The following COL9A2 variants were observed in gnomAD, a reference collection of about 807,000 sequenced individuals.
COL9A2 encodes collagen alpha-2(IX) chain.
A neutral mutation model predicts 111.6 loss-of-function variants in COL9A2; 66 were observed. The observed-to-expected ratio is 0.59, with a 90% CI of 0.48 to 0.73. The LOEUF is 0.73. Ranked by LOEUF, COL9A2 falls within the 30% of genes least tolerant of loss-of-function variation. The pLI is 0.00. For missense variants in COL9A2, 881 were observed against 954.1 expected (o/e 0.92, Z 1.01); for synonymous variants, 353 against 364.1 (o/e 0.97, Z 0.35).
chr1:40,312,666 C>T lies in COL9A2; in HGVS notation c.304-57G>A. 3 of 1,599,940 alleles carry T rather than the reference C, an allele frequency of 1.9e-6. No homozygotes were observed. Among genetic ancestry groups the T allele is most frequent in the Non-Finnish European group, 2.6e-6 (3 of 1,172,946 alleles). ...GGGGTTTCCCCGGCTCCTACTTCCT[C>T]TCTACAGCCACTCCCAAACGCTGGC... On this transcript the variant is annotated intron_variant, in intron 5 of 31. Transcript: ENST00000372748. This position sits in a 1 kb window ranked among gnomAD's most constrained non-coding sequence, Gnocchi z 6.0.
chr1:40,303,871 C>G lies in COL9A2; in HGVS notation c.1369-32G>C, dbSNP rs200767376. On this transcript the variant is annotated intron_variant, in intron 26 of 31. Transcript: ENST00000372748. The surrounding 1 kb of genome is among the most constrained non-coding windows in gnomAD (Gnocchi z 4.6). The stretch of plus-strand genomic sequence containing the variant: ...GCACAAGGAGCAGCGGTCACGAAGC[C>G]GCGGGGACCCCGGGGCCAGCCGCCG... 19 of 1,548,974 alleles carry G rather than the reference C, an allele frequency of 1.2e-5. No individual in the cohort carries two copies. The highest frequency in any genetic ancestry group is 1.7e-5 in the Non-Finnish European group (19 of 1,146,752).
chr1:40,305,190 C>G (rs528281550), intron 21 of COL9A2, among the ~76,000 whole-genome samples: 266 of 151,298 alleles, frequency 1.8e-3, no homozygotes, highest in African/African-American at 6.2e-3. Flanking sequence ...GCCTCAGCCT[C>G]CAGAGTAGCT....
rs375575073 is a variant in COL9A2 at position 40,312,630 on chromosome 1, G to A, written c.304-21C>T. The A allele has an allele frequency of 8.7e-6, 14 of 1,613,380 alleles. No homozygotes were observed. In the Admixed American group the frequency reaches 1.5e-4, roughly 17 times the overall value. ...TGGCCCTGCAGAAGCAACGAGAAAG[G>A]CTCAGAGGCTGGGGTTTCCCCGGCT... is the stretch of plus-strand genomic sequence containing the variant. On this transcript the variant is annotated intron_variant, in intron 5 of 31. Transcript: ENST00000372748. This position sits in a 1 kb window ranked among gnomAD's most constrained non-coding sequence, Gnocchi z 6.0.
rs1644210627 is a variant in COL9A2, at chr1:40,315,849, T to A, written c.76-185A>T. ...TACATGCATTCATTATCTTACAGAA[T>A]ACTCAGAACCGGGAGGCGGGCGCTA... On this transcript the variant is annotated intron_variant, in intron 1 of 31. Coordinates refer to ENST00000372748, the MANE Select transcript of COL9A2 (RefSeq NM_001852.4). The A allele has an allele frequency of 6.1e-6, 3 of 491,950 alleles. No homozygotes were observed. The South Asian group carries it at 1.1e-4, about 17-fold the overall frequency. The allele number at this position is 491,950 out of a possible 1,614,324, so 30.5% of individuals were successfully genotyped here.
intron 31 of COL9A2, 117 bp downstream of exon 31, chr1:40,301,695 G>A (rs1364819862): frequency 2.1e-5 from 21 of 984,252 alleles, no homozygotes; most frequent in Non-Finnish European, 3.0e-5. Context: ...CAGAAGCTGG[G>A]TATCAAGGAC....
At position 40,307,762 on chromosome 1, in the gene COL9A2, C is replaced by A; in HGVS notation, c.901-6G>T. ...CCGTTGATGCCTGGGGGGCCCTACC[C>A]AGGAGGAAAGTTCAAGGGAGAGTGA... On this transcript the variant is annotated splice_region_variant and splice_polypyrimidine_tract_variant and intron_variant, in intron 17 of 31. Coordinates refer to ENST00000372748, the MANE Select transcript of COL9A2 (RefSeq NM_001852.4). This position sits in a 1 kb window ranked among gnomAD's most constrained non-coding sequence, Gnocchi z 4.8. 2.5e-6 allele frequency: 4 copies of A among 1,614,080 alleles called. No homozygotes were observed. Among genetic ancestry groups the A allele is most frequent in the Non-Finnish European group, 2.5e-6 (3 of 1,179,974 alleles).
Position 40,316,777 on chromosome 1 carries a change from C to A in COL9A2, c.75+346G>T. 2.6e-6 allele frequency: 1 copy of A among 378,942 alleles called. No individual in the cohort carries two copies. Among genetic ancestry groups the A allele is most frequent in the Non-Finnish European group, 4.9e-6 (1 of 206,080 alleles). 23.5% of individuals were successfully genotyped at this position (378,942 alleles called of 1,614,324 possible). On this transcript the variant is annotated intron_variant, in intron 1 of 31. Coordinates refer to ENST00000372748, the MANE Select transcript of COL9A2 (RefSeq NM_001852.4). The surrounding 1 kb of genome is among the most constrained non-coding windows in gnomAD (Gnocchi z 5.5). Reference sequence around the variant, plus strand: ...GGCGCCCCCTGGGAGGCGGCGGGGGCGGAGGCTGCGCAGCGGGTGAATGAG... The same window carrying A: ...GGCGCCCCCTGGGAGGCGGCGGGGGAGGAGGCTGCGCAGCGGGTGAATGAG...
At position 40,301,732 on chromosome 1, in the gene COL9A2, T is replaced by C. The variant is rs961226125; in HGVS notation, c.1870+80A>G. The C allele has an allele frequency of 5.8e-6, 8 of 1,368,002 alleles. No individual in the cohort carries two copies. The Admixed American group carries it at 1.3e-4, about 22-fold the overall frequency. The allele number at this position is 1,368,002 out of a possible 1,614,324, so 84.7% of individuals were successfully genotyped here. A position where few individuals can be genotyped will look rare whatever the true frequency, so the allele number is the denominator to read the frequency against. On this transcript the variant is annotated intron_variant, in intron 31 of 31. Transcript: ENST00000372748. ...GAGCTGGCTGAGCGTGAGGCCGCCA[T>C]GGAGGAGACCGCAGTGTCCACACGT...
rs1278899451 is a variant in COL9A2, at chr1:40,317,083, G to A, written c.75+40C>T. On this transcript the variant is annotated intron_variant, in intron 1 of 31. Transcript: ENST00000372748. The surrounding 1 kb of genome is among the most constrained non-coding windows in gnomAD (Gnocchi z 4.3). ...TCCTCCATCCCGGACTCCAGACCCC[G>A]CACCCTGGACCCTGGCAGCGGAGGG... The A allele has an allele frequency of 3.2e-6, 5 of 1,541,798 alleles. No individual in the cohort carries two copies. In the African/African-American group the frequency reaches 6.9e-5, roughly 21 times the overall value.
Position 40,316,517 on chromosome 1 carries a change from T to C in COL9A2, c.75+606A>G, listed in dbSNP as rs946511789. 6.8e-6 allele frequency: 3 copies of C among 439,374 alleles called. No individual in the cohort carries two copies. Among genetic ancestry groups the C allele is most frequent in the African/African-American group, 4.1e-5 (2 of 48,440 alleles). The allele number at this position is 439,374 out of a possible 1,614,324, so 27.2% of individuals were successfully genotyped here. A position where few individuals can be genotyped will look rare whatever the true frequency, so the allele number is the denominator to read the frequency against. On this transcript the variant is annotated intron_variant, in intron 1 of 31. Transcript: ENST00000372748. The surrounding 1 kb of genome is among the most constrained non-coding windows in gnomAD (Gnocchi z 5.5). ...CAGAGATCTTAAAAGGCGGCCCTTTTAAGAGGCCAGCTCGGACCCAGGCAG... is the reference window on the plus strand; with the variant it reads ...CAGAGATCTTAAAAGGCGGCCCTTTCAAGAGGCCAGCTCGGACCCAGGCAG...
rs942531635 is a variant in COL9A2, at chr1:40,303,424, G to C, written c.1548+106C>G. On this transcript the variant is annotated intron_variant, in intron 28 of 31. Transcript: ENST00000372748. The surrounding 1 kb of genome is among the most constrained non-coding windows in gnomAD (Gnocchi z 4.6). ...TGCTCTGGGGCTTGGAACCAGTCTC[G>C]GGGAAGTCGGTGAGTCTCTGGGAAT... The C allele has an allele frequency of 2.9e-5, 43 of 1,487,076 alleles. No individual in the cohort carries two copies. The highest frequency in any genetic ancestry group is 3.4e-4 in the Middle Eastern group (2 of 5,866). 92.1% of individuals were successfully genotyped at this position (1,487,076 alleles called of 1,614,324 possible). A position where few individuals can be genotyped will look rare whatever the true frequency, so the allele number is the denominator to read the frequency against.
chr1:40,314,191 A>C lies in COL9A2; in HGVS notation c.249+14T>G. 1 of 1,613,918 alleles carries C rather than the reference A, an allele frequency of 6.2e-7. No individual in the cohort carries two copies. Among genetic ancestry groups the C allele is most frequent in the Non-Finnish European group, 8.5e-7 (1 of 1,179,934 alleles). On this transcript the variant is annotated intron_variant, in intron 4 of 31. Coordinates refer to ENST00000372748, the MANE Select transcript of COL9A2 (RefSeq NM_001852.4). This position sits in a 1 kb window ranked among gnomAD's most constrained non-coding sequence, Gnocchi z 4.1. Reference sequence around the variant, plus strand: ...AGAGCCCTACCCTGCCCCACCCGACACTCAGCTACTCACATCAATCCCGGG... The same window carrying C: ...AGAGCCCTACCCTGCCCCACCCGACCCTCAGCTACTCACATCAATCCCGGG...
rs771050593 is a variant in COL9A2, at chr1:40,312,163, TG to T, written c.364-52del. On this transcript the variant is annotated intron_variant, in intron 7 of 31. Transcript: ENST00000372748. The surrounding 1 kb of genome is among the most constrained non-coding windows in gnomAD (Gnocchi z 6.0). ...GGATGCCTCAGAGGGTCAGATACCC[TG>T]GGCACAAAGGTAGAGACAGGCACCC... The T allele has an allele frequency of 9.2e-6, 14 of 1,517,122 alleles. No individual in the cohort carries two copies. Among genetic ancestry groups the T allele is most frequent in the Non-Finnish European group, 1.3e-5 (14 of 1,107,762 alleles). The allele number at this position is 1,517,122 out of a possible 1,614,324, so 94.0% of individuals were successfully genotyped here. A position where few individuals can be genotyped will look rare whatever the true frequency, so the allele number is the denominator to read the frequency against.
intron 16 of COL9A2, among the ~76,000 whole-genome samples, chr1:40,309,684 ACACT>A (rs1163409106): frequency 6.6e-6 from 1 of 151,764 alleles, no homozygotes; most frequent in African/African-American, 2.4e-5. Context: ...TCACACACAC[ACACT>A]CAGAGATATC....
rs1231414301 is a variant in COL9A2 at position 40,304,783 on chromosome 1, C to T, written c.1161+11G>A. The T allele has an allele frequency of 7.1e-6, 11 of 1,550,002 alleles. No individual in the cohort carries two copies. In the South Asian group the frequency reaches 7.1e-5, roughly 10 times the overall value. ...GGCCCCCGGGGAGGGGCCATTGTGC[C>T]AGGCACTTACCTTCTGTCCCATGAT... On this transcript the variant is annotated intron_variant, in intron 22 of 31. Coordinates refer to ENST00000372748, the MANE Select transcript of COL9A2 (RefSeq NM_001852.4).
In COL9A2 at chr1:40,307,321, A is replaced by G; in HGVS notation, c.1008+125T>C. ...CAAGTAATGAAGCCTTCGCCAGGCC[A>G]GGGGCCACAGAGTTGGTAACAAGGC... is the stretch of plus-strand genomic sequence containing the variant. On this transcript the variant is annotated intron_variant, in intron 19 of 31. Coordinates refer to ENST00000372748, the MANE Select transcript of COL9A2 (RefSeq NM_001852.4). The surrounding 1 kb of genome is among the most constrained non-coding windows in gnomAD (Gnocchi z 4.8). The G allele has an allele frequency of 1.1e-6, 1 of 925,192 alleles. No individual in the cohort carries two copies. Among genetic ancestry groups the G allele is most frequent in the Non-Finnish European group, 1.7e-6 (1 of 579,984 alleles). 57.3% of individuals were successfully genotyped at this position (925,192 alleles called of 1,614,324 possible). A position where few individuals can be genotyped will look rare whatever the true frequency, so the allele number is the denominator to read the frequency against.
At chr1:40,315,350 G>C in intron 2 of COL9A2, 1 of 1,345,726 alleles carries the variant, frequency 7.4e-7, no homozygotes, top group South Asian at 1.8e-5. Flanking sequence ...AGCTGCGGCC[G>C]GCGGACTGAA....
intron 16 of COL9A2, among the ~76,000 whole-genome samples, chr1:40,309,434 GAA>G (rs780999102): frequency 4.3e-5 from 6 of 139,484 alleles, no homozygotes; most frequent in East Asian, 2.0e-4. Context: ...TATTAATTGG[GAA>G]AAAAAAAAAA....
Position 40,303,088 on chromosome 1 carries a change from G to T in COL9A2, c.1603+43C>A, listed in dbSNP as rs568947667. The T allele has an allele frequency of 1.9e-6, 3 of 1,593,464 alleles. No homozygotes were observed. The highest frequency in any genetic ancestry group is 3.4e-5 in the Admixed American group (2 of 58,314). On this transcript the variant is annotated intron_variant, in intron 29 of 31. Coordinates refer to ENST00000372748, the MANE Select transcript of COL9A2 (RefSeq NM_001852.4). The surrounding 1 kb of genome is among the most constrained non-coding windows in gnomAD (Gnocchi z 4.6). ...CTCCGGGAGGGGGTGAGGGGGCGGC[G>T]ATGCCCTCGAACTGACTGTGAGGAG...
Sources: allele counts gnomAD v4.1 joint callset (sites outside exome capture counted in the v4.1 genomes callset), GRCh38; gene constraint gnomAD v4.1.1; non-coding constraint Gnocchi (gnomAD v3.1); transcripts MANE v1.5; gene names NCBI Gene and HGNC (gene_info 2026-07-23, HGNC 2026-07-21).